The following CCDC148 variants were observed in gnomAD, a reference collection of about 807,000 sequenced individuals.
CCDC148 encodes the protein coiled-coil domain containing 148, also known as coiled-coil domain-containing protein 148.
CCDC148 carries 89 observed loss-of-function variants against 85.7 expected under a neutral mutation model. The observed-to-expected ratio is 1.04, with a 90% CI of 0.87 to 1.24. The LOEUF (loss-of-function observed/expected upper bound fraction) is 1.24. Ranked by LOEUF, CCDC148 falls within the 50% of genes most tolerant of loss-of-function variation. CCDC148 has a pLI of 0.00. For missense variants in CCDC148, 692 were observed against 671.7 expected (o/e 1.03, Z -0.33); for synonymous variants, 230 against 213.9 (o/e 1.08, Z -0.66).
chr2:158,444,439 G>A (rs1688073580), intron 1 of CCDC148, among the ~76,000 whole-genome samples: 1 of 152,080 alleles, frequency 6.6e-6, no homozygotes, highest in Non-Finnish European at 1.5e-5. Context: ...TTTGACTAAT[G>A]AGATTATGAC....
intron 1 of CCDC148, among the ~76,000 whole-genome samples, chr2:158,422,428 A>G (rs1170866408): frequency 6.6e-6 from 1 of 152,232 alleles, no homozygotes; most frequent in Non-Finnish European, 1.5e-5. Flanking sequence ...GGCTTGTTCA[A>G]CATATGCCAA....
At chr2:158,265,228 T>C (rs1183527568) in intron 9 of CCDC148, among the ~76,000 whole-genome samples, 1 of 152,174 alleles carries the variant, frequency 6.6e-6, no homozygotes, top group African/African-American at 2.4e-5. Flanking sequence ...TTCAAGTCTA[T>C]GTTCTATTGA....
chr2:158,427,235 A>C (rs1365461511), intron 1 of CCDC148, among the ~76,000 whole-genome samples: 1 of 152,204 alleles, frequency 6.6e-6, no homozygotes, highest in East Asian at 1.9e-4. Context: ...AAAGTGTTTA[A>C]CAAATTTTCA....
At chr2:158,334,901 T>G (rs1693340258) in intron 7 of CCDC148, among the ~76,000 whole-genome samples, 1 of 152,158 alleles carries the variant, frequency 6.6e-6, no homozygotes, top group South Asian at 2.1e-4. Flanking sequence ...AAGCTTAATC[T>G]TCCTAATAAA....
intron 9 of CCDC148, among the ~76,000 whole-genome samples, chr2:158,288,054 C>T (rs1418626406): frequency 4.6e-5 from 7 of 152,214 alleles, no homozygotes; most frequent in Non-Finnish European, 7.3e-5. Flanking sequence ...GGCTTGCACC[C>T]TCTGTAGCCA....
At chr2:158,259,593 T>G (rs1219748738) in intron 9 of CCDC148, among the ~76,000 whole-genome samples, 1 of 147,974 alleles carries the variant, frequency 6.8e-6, no homozygotes, top group Non-Finnish European at 1.5e-5. Flanking sequence ...GGATTAATTT[T>G]CACACATTTT....
chr2:158,311,284 A>C (rs1691998761), intron 8 of CCDC148, among the ~76,000 whole-genome samples: 1 of 152,240 alleles, frequency 6.6e-6, no homozygotes. Context: ...AGCCCGGCCA[A>C]CACGGCGAAA....
chr2:158,268,306 T>C (rs545759571), intron 9 of CCDC148, among the ~76,000 whole-genome samples: 1 of 152,240 alleles, frequency 6.6e-6, no homozygotes, highest in Admixed American at 6.6e-5. Flanking sequence ...CGCCCTCTTA[T>C]AGGGTGTAGT....
At chr2:158,332,226 T>C (rs1292694980) in intron 7 of CCDC148, among the ~76,000 whole-genome samples, 1 of 152,012 alleles carries the variant, frequency 6.6e-6, no homozygotes, top group African/African-American at 2.4e-5. Flanking sequence ...TCTCAGCATT[T>C]GTTTGTCTGT....
intron 1 of CCDC148, among the ~76,000 whole-genome samples, chr2:158,402,566 C>G (rs1410941878): frequency 6.6e-6 from 1 of 152,002 alleles, no homozygotes; most frequent in Non-Finnish European, 1.5e-5. Flanking sequence ...CACCATTACT[C>G]TAGCCTTCAG....
chr2:158,364,848 A>C (rs1300182229), intron 1 of CCDC148, among the ~76,000 whole-genome samples: 2 of 152,248 alleles, frequency 1.3e-5, no homozygotes, highest in Non-Finnish European at 2.9e-5. Context: ...TACACAGCAA[A>C]AGAAACTATC....
chr2:158,277,305 C>T (rs1175220418), intron 9 of CCDC148, among the ~76,000 whole-genome samples: 2 of 152,174 alleles, frequency 1.3e-5, no homozygotes, highest in African/African-American at 4.8e-5. Flanking sequence ...GCAAAAAGTC[C>T]TTTAAAGGAT....
chr2:158,434,569 C>T (rs1257387450), intron 1 of CCDC148, among the ~76,000 whole-genome samples: 1 of 152,180 alleles, frequency 6.6e-6, no homozygotes, highest in East Asian at 1.9e-4. Flanking sequence ...GCCTCTTCTC[C>T]TCCAAAGGAA....
chr2:158,227,894 T>C (rs1292376749), intron 10 of CCDC148, among the ~76,000 whole-genome samples: 3 of 152,178 alleles, frequency 2.0e-5, no homozygotes, highest in Admixed American at 6.5e-5. Flanking sequence ...GACATAGGCA[T>C]GGGCAAGGAC....
At chr2:158,210,738 T>C (rs1258655874) in intron 11 of CCDC148, among the ~76,000 whole-genome samples, 5 of 144,154 alleles carry the variant, frequency 3.5e-5, no homozygotes, top group African/African-American at 1.0e-4. Context: ...GGTCAGGAGA[T>C]TGAGAACCTC....
chr2:158,280,102 G>C (rs1292497818), intron 9 of CCDC148, among the ~76,000 whole-genome samples: 1 of 151,998 alleles, frequency 6.6e-6, no homozygotes, highest in Non-Finnish European at 1.5e-5. Context: ...CACCAGGCCT[G>C]CCCTAAAAGA....
At chr2:158,247,472 C>CA (rs1688613132) in intron 10 of CCDC148, among the ~76,000 whole-genome samples, 2 of 152,156 alleles carry the variant, frequency 1.3e-5, no homozygotes, top group African/African-American at 4.8e-5. Context: ...TGCTGCAGCA[C>CA]AGCCTATACG....
At chr2:158,285,791 C>T (rs1012289816) in intron 9 of CCDC148, among the ~76,000 whole-genome samples, 7 of 152,058 alleles carry the variant, frequency 4.6e-5, no homozygotes, top group African/African-American at 1.7e-4. Flanking sequence ...CCGCCTCAGC[C>T]TCCCAAAGTG....
At chr2:158,352,642 A>G (rs190954561) in intron 2 of CCDC148, among the ~76,000 whole-genome samples, 78 of 152,316 alleles carry the variant, frequency 5.1e-4, no homozygotes, top group African/African-American at 1.6e-3. Flanking sequence ...ACCAAGTTGG[A>G]AAACAGTCTT....
Sources: gnomAD v4.1 joint callset for allele counts (sites outside exome capture counted in the v4.1 genomes callset) on GRCh38, gnomAD v4.1.1 for gene constraint, MANE v1.5 for transcripts, NCBI Gene and HGNC (gene_info 2026-07-23, HGNC 2026-07-21) for gene names.